Variants in UBE2V1 observed in about 807,000 individuals in gnomAD.
The protein encoded by UBE2V1 is ubiquitin-conjugating enzyme E2 variant 1.
Under a neutral mutation model 19.6 loss-of-function variants are expected in UBE2V1, and 15 were observed. The observed-to-expected ratio is 0.77, with a 90% CI of 0.51 to 1.18. The LOEUF is 1.18. UBE2V1 is among the 50% of genes most tolerant of loss of function. The pLI is 0.00. For synonymous variants in UBE2V1, 60 were observed against 60.7 expected (o/e 0.99, Z 0.05); for missense variants, 125 against 184.8 (o/e 0.68, Z 1.88).
At chr20:50,086,249 T>G (rs1462842023) in intron 2 of UBE2V1, among the ~76,000 whole-genome samples, 1 of 152,034 alleles carries the variant, frequency 6.6e-6, no homozygotes, top group Non-Finnish European at 1.5e-5. Flanking sequence ...CCCAGCTGCT[T>G]CCCCTTGGAA....
intron 1 of UBE2V1, among the ~76,000 whole-genome samples, chr20:50,101,079 A>G (rs992165865): frequency 6.6e-6 from 1 of 152,278 alleles, no homozygotes; most frequent in Admixed American, 6.5e-5. Context: ...AACCAAAGAA[A>G]TAAGTCAGGT....
chr20:50,084,072 T>TA, intron 3 of UBE2V1, 57 bp downstream of exon 3: 1 of 1,526,598 alleles, frequency 6.6e-7, no homozygotes, highest in Non-Finnish European at 8.7e-7. Flanking sequence ...CTCCTGATGT[T>TA]AAGTACAAAG....
intron 3 of UBE2V1, 135 bp from the exon 4 acceptor site, chr20:50,083,049 A>G: frequency 2.2e-6 from 3 of 1,391,388 alleles, no homozygotes; most frequent in Non-Finnish European, 2.9e-6. Context: ...CTAATACCTT[A>G]CATGCGGAAT....
intron 2 of UBE2V1, among the ~76,000 whole-genome samples, chr20:50,091,631 G>T (rs1208675359): frequency 6.6e-6 from 1 of 151,948 alleles, no homozygotes; most frequent in Non-Finnish European, 1.5e-5. Context: ...GACCTCAGGT[G>T]ATCTGCCCGC....
chr20:50,087,393 C>CA (rs10716682), intron 2 of UBE2V1, among the ~76,000 whole-genome samples: 12,074 of 101,182 alleles, frequency 0.12, 591 homozygotes, highest in African/African-American at 0.13. Flanking sequence ...GACACTTTGT[C>CA]AAAAAAAAAA....
chr20:50,113,202 GGC>G (rs1180970163), upstream of UBE2V1: 3 of 1,199,876 alleles, frequency 2.5e-6, no homozygotes, highest in Non-Finnish European at 3.2e-6. Context: ...CTGATGCGCA[GGC>G]GCGCGCGCAC....
At chr20:50,103,915 C>T (rs538979164) in intron 1 of UBE2V1, among the ~76,000 whole-genome samples, 6 of 149,890 alleles carry the variant, frequency 4.0e-5, no homozygotes, top group Admixed American at 6.8e-5. Context: ...CATTCAATCC[C>T]GCCTCCCCAG....
intron 1 of UBE2V1, among the ~76,000 whole-genome samples, chr20:50,104,183 G>A (rs1032209568): frequency 2.7e-5 from 4 of 149,904 alleles, no homozygotes; most frequent in African/African-American, 7.5e-5. Context: ...TCGAGAGGCT[G>A]AGGCAGGAGA....
chr20:50,087,333 T>C (rs147141197), intron 2 of UBE2V1, among the ~76,000 whole-genome samples: 58 of 150,382 alleles, frequency 3.9e-4, no homozygotes, highest in African/African-American at 1.4e-3. Flanking sequence ...GAGGTGGAAG[T>C]TGCAGTGAGC....
rs549218813 is a variant in UBE2V1 at position 50,110,474 on chromosome 20, T to C, written c.22+2633A>G. 2.0e-5 allele frequency among the ~76,000 whole-genome samples: 3 copies of C among 152,326 alleles called. No homozygotes were observed. The South Asian group carries it at 6.2e-4, about 32-fold the overall frequency. ...CACAGATTAATCAAGAGCCTCACTC[T>C]AAACCTGACTAAGGAAGGCCTCTGG... On this transcript the variant is annotated intron_variant, in intron 1 of 3. Coordinates refer to ENST00000371674, the MANE Select transcript of UBE2V1 (RefSeq NM_001032288.3).
intron 1 of UBE2V1, chr20:50,111,703 C>T: frequency 1.8e-6 from 1 of 545,212 alleles, no homozygotes; most frequent in Non-Finnish European, 2.3e-6. Flanking sequence ...TATTCCCACC[C>T]CAACCATCAG....
chr20:50,096,370 T>C, intron 2 of UBE2V1: 1 of 448,298 alleles, frequency 2.2e-6, no homozygotes. Flanking sequence ...CCTAGTTATT[T>C]GGTTAGCCCA....
In UBE2V1 at chr20:50,081,746, G is replaced by A. The variant is rs1437288446; in HGVS notation, c.*1022C>T. 1 of 222,408 alleles carries A rather than the reference G, an allele frequency of 4.5e-6. No individual in the cohort carries two copies. 13.8% of individuals were successfully genotyped at this position (222,408 alleles called of 1,614,324 possible). A position where few individuals can be genotyped will look rare whatever the true frequency, so the allele number is the denominator to read the frequency against. The stretch of plus-strand genomic sequence containing the variant: ...TGTGTGCTTACAAGTATCTTCATGC[G>A]GTCTTTCTCCAAGTTCAACCACCAA... On this transcript the variant is annotated 3_prime_UTR_variant, in exon 4 of 4. Coordinates refer to ENST00000371674, the MANE Select transcript of UBE2V1 (RefSeq NM_001032288.3).
At chr20:50,093,138 G>A (rs1260496139) in intron 2 of UBE2V1, among the ~76,000 whole-genome samples, 1 of 152,258 alleles carries the variant, frequency 6.6e-6, no homozygotes. Context: ...CAAAGACAAT[G>A]ATGTTGTTTC....
chr20:50,091,898 G>A (rs940427663), intron 2 of UBE2V1, among the ~76,000 whole-genome samples: 2 of 152,214 alleles, frequency 1.3e-5, no homozygotes, highest in African/African-American at 2.4e-5. Context: ...ATTCGATGGT[G>A]AGCATAATGA....
chr20:50,103,028 T>C lies in UBE2V1; in HGVS notation c.23-6208A>G, dbSNP rs376130869. ...CTGTCCATTCCCTTATCTTGCCTTA[T>C]TTTTCTTCATAGTACTCATTGCCAC... On this transcript the variant is annotated intron_variant, in intron 1 of 3. Transcript: ENST00000371674. Among the ~76,000 whole-genome samples, 84 of 152,364 alleles carry C rather than the reference T, an allele frequency of 5.5e-4. 1 individual carries two copies. The highest frequency in any genetic ancestry group is 1.9e-3 in the African/African-American group (78 of 41,578).
In UBE2V1 at chr20:50,090,473, C is replaced by CAA. The variant is rs34134046; in HGVS notation, c.171+6197_171+6198dup. Reference sequence around the variant, plus strand: ...TGGGCAACAGTGCGAGACTCTGTCTCAAAAAAAAAAAAAAAAAGAAATCTT... The same window carrying CAA: ...TGGGCAACAGTGCGAGACTCTGTCTCAAAAAAAAAAAAAAAAAAAGAAATCTT... On this transcript the variant is annotated intron_variant, in intron 2 of 3. Coordinates refer to ENST00000371674, the MANE Select transcript of UBE2V1 (RefSeq NM_001032288.3). 4.3e-3 allele frequency among the ~76,000 whole-genome samples: 418 copies of CAA among 96,598 alleles called. 6 individuals carry two copies. Among genetic ancestry groups the CAA allele is most frequent in the South Asian group, 0.013 (40 of 3,014 alleles). 63.4% of individuals were successfully genotyped at this position (96,598 alleles called of 152,430 possible).
At position 50,111,556 on chromosome 20, in the gene UBE2V1, G is replaced by C. The variant is rs2080754359; in HGVS notation, c.22+1551C>G. The C allele has an allele frequency of 3.0e-6, 3 of 1,000,196 alleles. No homozygotes were observed. The South Asian group carries it at 1.4e-4, about 47-fold the overall frequency. 62.0% of individuals were successfully genotyped at this position (1,000,196 alleles called of 1,614,324 possible). On this transcript the variant is annotated intron_variant, in intron 1 of 3. Coordinates refer to ENST00000371674, the MANE Select transcript of UBE2V1 (RefSeq NM_001032288.3). Reference sequence around the variant, plus strand: ...ATGGTAAATGAATTGACTCAGCACTGTTCCAGCTGAAACCAAAATCGAGTA... The same window carrying C: ...ATGGTAAATGAATTGACTCAGCACTCTTCCAGCTGAAACCAAAATCGAGTA...
chr20:50,104,747 G>C (rs1569011710), intron 1 of UBE2V1, among the ~76,000 whole-genome samples: 1 of 150,632 alleles, frequency 6.6e-6, no homozygotes, highest in Non-Finnish European at 1.5e-5. Flanking sequence ...TATTTTTAGA[G>C]ATGGAGTCTC....
Sources: allele counts gnomAD v4.1 joint callset (sites outside exome capture counted in the v4.1 genomes callset), GRCh38; gene constraint gnomAD v4.1.1; transcripts MANE v1.5; gene names NCBI Gene and HGNC (gene_info 2026-07-23, HGNC 2026-07-21).